Variants in CNTNAP4 observed in about 807,000 individuals in gnomAD.
The protein encoded by CNTNAP4 is contactin associated protein family member 4, also known as contactin-associated protein-like 4.
A neutral mutation model predicts 148.4 loss-of-function variants in CNTNAP4; 98 were observed. The observed-to-expected ratio is 0.66, with a 90% CI of 0.56 to 0.78. The LOEUF (loss-of-function observed/expected upper bound fraction) is 0.78, where lower values mean the gene tolerates loss of function less well. Ranked by LOEUF, CNTNAP4 falls within the 30% of genes least tolerant of loss-of-function variation. The pLI, the probability that CNTNAP4 is intolerant of heterozygous loss-of-function variation, is 0.00. For synonymous variants in CNTNAP4, 730 were observed against 565.1 expected (o/e 1.29, Z -4.14); for missense variants, 1,935 against 1,565.6 (o/e 1.24, Z -3.98).
intron 4 of CNTNAP4, among the ~76,000 whole-genome samples, chr16:76,444,473 A>G (rs900224293): frequency 1.3e-5 from 2 of 151,960 alleles, no homozygotes; most frequent in Non-Finnish European, 2.9e-5. Flanking sequence ...GATCACTTTC[A>G]AGAGAATCTA....
intron 3 of CNTNAP4, among the ~76,000 whole-genome samples, chr16:76,406,107 C>G (rs569669915): frequency 2.4e-4 from 36 of 152,120 alleles, no homozygotes; most frequent in Admixed American, 5.9e-4. Context: ...GCCTGTAGTC[C>G]TAGTTACTGT....
chr16:76,306,391 A>T (rs1220833808), intron 1 of CNTNAP4, among the ~76,000 whole-genome samples: 1 of 152,142 alleles, frequency 6.6e-6, no homozygotes, highest in Admixed American at 6.5e-5. Context: ...AGTGGCAAAT[A>T]TGCCCTTTCC....
intron 17 of CNTNAP4, among the ~76,000 whole-genome samples, 171 bp from the exon 18 acceptor site, chr16:76,535,374 A>G (rs1275381329): frequency 1.3e-5 from 2 of 152,232 alleles, no homozygotes; most frequent in Non-Finnish European, 2.9e-5. Flanking sequence ...AAATTGAATT[A>G]AAGTTGTATC....
At chr16:76,395,373 C>T (rs2078163712) in intron 3 of CNTNAP4, among the ~76,000 whole-genome samples, 2 of 151,286 alleles carry the variant, frequency 1.3e-5, no homozygotes, top group Non-Finnish European at 2.9e-5. Flanking sequence ...TCAAGCAATT[C>T]TCCTGCCTCA....
At chr16:76,428,251 C>T (rs1261441951) in intron 4 of CNTNAP4, among the ~76,000 whole-genome samples, 5 of 152,028 alleles carry the variant, frequency 3.3e-5, no homozygotes, top group Non-Finnish European at 7.4e-5. Flanking sequence ...CACCTCAAGC[C>T]ACATTATCCT....
At chr16:76,534,555 C>T (rs2084132556) in intron 17 of CNTNAP4, among the ~76,000 whole-genome samples, 1 of 152,060 alleles carries the variant, frequency 6.6e-6, no homozygotes. Context: ...AAGAGTATTC[C>T]TGGACACAAA....
At chr16:76,500,233 GC>G (rs1282731917) in intron 15 of CNTNAP4, among the ~76,000 whole-genome samples, 2 of 151,910 alleles carry the variant, frequency 1.3e-5, no homozygotes, top group Non-Finnish European at 2.9e-5. Context: ...GGCAGGGGCT[GC>G]CCCCACCTTC....
chr16:76,411,626 TA>T (rs145130796), intron 3 of CNTNAP4, among the ~76,000 whole-genome samples: 4,566 of 151,504 alleles, frequency 0.03, 233 homozygotes, highest in African/African-American at 0.11. Flanking sequence ...TAATGATCTA[TA>T]AAAAAGCACA....
chr16:76,522,600 C>A (rs957505113), intron 17 of CNTNAP4, among the ~76,000 whole-genome samples: 1 of 77,906 alleles, frequency 1.3e-5, no homozygotes, highest in East Asian at 3.3e-4. Flanking sequence ...CTCTCTCTTT[C>A]TTTTCTTTAT....
chr16:76,328,837 G>T (rs1337417830), intron 2 of CNTNAP4, among the ~76,000 whole-genome samples: 1 of 152,090 alleles, frequency 6.6e-6, no homozygotes, highest in Admixed American at 6.5e-5. Flanking sequence ...TAGAGACGGG[G>T]TTTCTCCATT....
chr16:76,344,214 A>G (rs1003239395), intron 2 of CNTNAP4, among the ~76,000 whole-genome samples: 2 of 152,028 alleles, frequency 1.3e-5, no homozygotes, highest in Non-Finnish European at 2.9e-5. Flanking sequence ...ATATATATAT[A>G]TTTGCTTATG....
At chr16:76,439,308 C>CAG (rs2079950731) in intron 4 of CNTNAP4, among the ~76,000 whole-genome samples, 4 of 151,716 alleles carry the variant, frequency 2.6e-5, no homozygotes, top group Non-Finnish European at 4.4e-5. Flanking sequence ...AGAGAGATAA[C>CAG]TTTGAGATAA....
intron 3 of CNTNAP4, among the ~76,000 whole-genome samples, chr16:76,416,351 G>A (rs564859946): frequency 4.5e-4 from 68 of 151,262 alleles, no homozygotes; most frequent in South Asian, 1.2e-3. Context: ...ATGAAAACTT[G>A]CATTATTTAT....
chr16:76,379,321 C>T (rs573962863), intron 3 of CNTNAP4, among the ~76,000 whole-genome samples: 1 of 152,268 alleles, frequency 6.6e-6, no homozygotes, highest in East Asian at 1.9e-4. Context: ...TTATATCTTA[C>T]CCCACCTCCC....
Position 76,352,144 on chromosome 16 carries a change from C to CA in CNTNAP4, c.197-3166dup, listed in dbSNP as rs370212383. Among the ~76,000 whole-genome samples, 61 of 151,494 alleles carry CA rather than the reference C, an allele frequency of 4.0e-4. No individual in the cohort carries two copies. The East Asian group carries it at 8.9e-3, about 22-fold the overall frequency. On this transcript the variant is annotated intron_variant, in intron 2 of 23. Coordinates refer to ENST00000611870, the MANE Select transcript of CNTNAP4 (RefSeq NM_033401.5). ...CCCTTTCCTAACTTTTTCTTGTAAA[C>CA]AAAAAAAATGACAAAAATACAGAGA...
chr16:76,414,950 C>G (rs2078923700), intron 3 of CNTNAP4, among the ~76,000 whole-genome samples: 1 of 130,924 alleles, frequency 7.6e-6, no homozygotes, highest in Non-Finnish European at 1.7e-5. Flanking sequence ...TTTTCAAAAA[C>G]CAACTTGTGT....
chr16:76,358,465 A>G (rs1457419198), intron 3 of CNTNAP4, among the ~76,000 whole-genome samples: 1 of 152,240 alleles, frequency 6.6e-6, no homozygotes, highest in Non-Finnish European at 1.5e-5. Flanking sequence ...TGGACAGAAT[A>G]TGGAGATCAT....
In CNTNAP4 at chr16:76,489,321, G is replaced by T. The variant is rs74025024; in HGVS notation, c.1883-365G>T. ...GGCAGCATTTTTCCTTTCTTGCAGA[G>T]AAATAAAATAATGATGCATCTTTAA... On this transcript the variant is annotated intron_variant, in intron 12 of 23. Coordinates refer to ENST00000611870, the MANE Select transcript of CNTNAP4 (RefSeq NM_033401.5). Among the ~76,000 whole-genome samples, 524 of 151,950 alleles carry T rather than the reference G, an allele frequency of 3.4e-3. 3 individuals are homozygous for T. The highest frequency in any genetic ancestry group is 0.012 in the African/African-American group (499 of 41,440).
chr16:76,385,598 C>T (rs375599395), intron 3 of CNTNAP4, among the ~76,000 whole-genome samples: 1 of 151,176 alleles, frequency 6.6e-6, no homozygotes, highest in African/African-American at 2.4e-5. Context: ...AGTTGATTCT[C>T]ATTATGCGTG....
Sources: gnomAD v4.1 joint callset for allele counts (sites outside exome capture counted in the v4.1 genomes callset) on GRCh38, gnomAD v4.1.1 for gene constraint, MANE v1.5 for transcripts, NCBI Gene and HGNC (gene_info 2026-07-23, HGNC 2026-07-21) for gene names.